Variants in CUX1 observed in about 807,000 individuals in gnomAD.
The protein encoded by CUX1 is protein CASP.
A neutral mutation model predicts 158.8 loss-of-function variants in CUX1; 31 were observed. That is an observed-to-expected ratio of 0.20 (90% CI 0.15 to 0.26). The LOEUF is 0.26. Ranked by LOEUF, CUX1 falls within the 10% of genes least tolerant of loss-of-function variation. The probability of loss-of-function intolerance (pLI) is 1.00; values close to 1 mark genes in which losing one functional copy is unlikely to be tolerated. For missense variants in CUX1, 1,589 were observed against 2,014.6 expected, an observed-to-expected ratio of 0.79 and a Z score of 4.04; for synonymous variants, 879 against 862.1, an observed-to-expected ratio of 1.02 and a Z score of -0.34.
At chr7:101,957,810 T>C (rs145866798) in intron 2 of CUX1, among the ~76,000 whole-genome samples, 115 of 152,310 alleles carry the variant, frequency 7.6e-4, no homozygotes, top group African/African-American at 2.6e-3. Flanking sequence ...GTCTGCAAAA[T>C]AGAGTCTTTT....
chr7:101,893,794 A>G (rs1801173943), intron 1 of CUX1, among the ~76,000 whole-genome samples: 1 of 152,240 alleles, frequency 6.6e-6, no homozygotes, highest in Admixed American at 6.5e-5. Context: ...TCTCATGCAG[A>G]TAATTTCTAT....
chr7:101,984,703 T>C (rs1225910325), intron 2 of CUX1, among the ~76,000 whole-genome samples: 1 of 151,930 alleles, frequency 6.6e-6, no homozygotes. Flanking sequence ...CAGTGAAAAA[T>C]GCTGGAGGTG....
chr7:102,196,569 G>A (rs1000976487), intron 14 of CUX1, 65 bp from the exon 15 acceptor site: 1 of 1,381,666 alleles, frequency 7.2e-7, no homozygotes, highest in African/African-American at 1.4e-5. Context: ...TTTGCATTTT[G>A]GTCTTGGTTT....
At chr7:101,926,500 G>T (rs1012249889) in intron 2 of CUX1, among the ~76,000 whole-genome samples, 10 of 152,224 alleles carry the variant, frequency 6.6e-5, no homozygotes, top group Non-Finnish European at 1.5e-4. Flanking sequence ...AGGTTGCCTG[G>T]GCCCAGGGAC....
chr7:102,267,273 C>T (rs1234708946), intron 14 of CUX1, among the ~76,000 whole-genome samples: 1 of 152,104 alleles, frequency 6.6e-6, no homozygotes, highest in Non-Finnish European at 1.5e-5. Context: ...GTGGCTCATG[C>T]CTGTAATCCC....
At chr7:102,209,702 G>A (rs985929298) in intron 20 of CUX1, among the ~76,000 whole-genome samples, 1 of 152,116 alleles carries the variant, frequency 6.6e-6, no homozygotes, top group Non-Finnish European at 1.5e-5. Flanking sequence ...GGTCCTTGGG[G>A]ACTGATTCTG....
chr7:101,875,977 G>A (rs1799087064), intron 1 of CUX1, among the ~76,000 whole-genome samples: 1 of 152,174 alleles, frequency 6.6e-6, no homozygotes, highest in Non-Finnish European at 1.5e-5. Flanking sequence ...TTGGTCCCAG[G>A]ATGCATTATT....
chr7:102,076,424 T>C (rs1212163726), intron 4 of CUX1, among the ~76,000 whole-genome samples: 1 of 151,908 alleles, frequency 6.6e-6, no homozygotes, highest in African/African-American at 2.4e-5. Context: ...CAAATAAGCA[T>C]TTAGCAATAC....
At chr7:102,180,211 C>T (rs1244267584) in intron 11 of CUX1, among the ~76,000 whole-genome samples, 4 of 151,620 alleles carry the variant, frequency 2.6e-5, no homozygotes, top group South Asian at 2.1e-4. Context: ...TTAGTAGAGG[C>T]GGGGTTTCAC....
intron 2 of CUX1, among the ~76,000 whole-genome samples, chr7:102,006,295 C>T (rs908078150): frequency 2.6e-4 from 40 of 152,272 alleles, no homozygotes; most frequent in Admixed American, 1.5e-3. Flanking sequence ...ACAGGGAAGC[C>T]TCGTCAGGCT....
At chr7:102,234,421 G>A (rs1379348432) in intron 22 of CUX1, among the ~76,000 whole-genome samples, 181 bp downstream of exon 22, 2 of 152,182 alleles carry the variant, frequency 1.3e-5, no homozygotes, top group Non-Finnish European at 2.9e-5. Context: ...CTGGAAAGTT[G>A]TGTAACTTTT....
chr7:102,111,620 G>T, intron 6 of CUX1, 78 bp from the exon 7 acceptor site: 1 of 1,346,834 alleles, frequency 7.4e-7, no homozygotes, highest in South Asian at 1.2e-5. Context: ...GGAGGGAGCT[G>T]AGCTCAGCCG....
intron 2 of CUX1, among the ~76,000 whole-genome samples, chr7:101,993,619 A>C (rs1273112973): frequency 6.6e-6 from 1 of 152,154 alleles, no homozygotes; most frequent in African/African-American, 2.4e-5. Context: ...CTTCCTCTAC[A>C]CATGTATGGC....
rs1335127143 is a variant in CUX1, at chr7:102,198,781, A to C, written c.1895-21A>C. On this transcript the variant is annotated intron_variant, in intron 15 of 23. Coordinates refer to ENST00000292535, the MANE Select transcript of CUX1 (RefSeq NM_181552.4). ...CCATTCCCCTGATTGTTTTGTTCTT[A>C]CCACACTTGTTTTTCAACAGAGAAT... The C allele has an allele frequency of 3.1e-6, 5 of 1,610,526 alleles. No individual in the cohort carries two copies. In the Admixed American group the frequency reaches 8.3e-5, roughly 27 times the overall value.
intron 1 of CUX1, among the ~76,000 whole-genome samples, chr7:101,892,884 C>T (rs907473066): frequency 6.6e-6 from 1 of 152,168 alleles, no homozygotes; most frequent in East Asian, 1.9e-4. Context: ...ATAGGGAAAA[C>T]GTTTCCAGAA....
intron 2 of CUX1, among the ~76,000 whole-genome samples, chr7:101,950,050 C>T (rs1249973420): frequency 6.6e-6 from 1 of 152,178 alleles, no homozygotes; most frequent in East Asian, 1.9e-4. Flanking sequence ...CCCTGTCGAT[C>T]AGGCTGGAGT....
At chr7:102,065,239 CCTGT>C (rs576800611) in intron 3 of CUX1, among the ~76,000 whole-genome samples, 12 of 152,098 alleles carry the variant, frequency 7.9e-5, no homozygotes, top group African/African-American at 2.4e-4. Context: ...TACCACCGTG[CCTGT>C]CTAATTTGTA....
intron 1 of CUX1, among the ~76,000 whole-genome samples, chr7:101,838,731 AG>A (rs1202328055): frequency 1.3e-5 from 2 of 151,854 alleles, no homozygotes; most frequent in Non-Finnish European, 2.9e-5. Flanking sequence ...TGAACCTGGG[AG>A]GTAGAGGTTG....
In CUX1 at chr7:102,257,004, C is replaced by T. The variant is rs1184207345; in HGVS notation, c.*7962C>T. ...GGGCCCCTTTCCCCTATAGGTGGTT[C>T]AACGTGGAGGAAGGTTGGGTGTGGA... On this transcript the variant is annotated 3_prime_UTR_variant, in exon 24 of 24. Coordinates refer to ENST00000292535, the MANE Select transcript of CUX1 (RefSeq NM_181552.4). 1.0e-6 allele frequency: 1 copy of T among 985,268 alleles called. No individual in the cohort carries two copies. The highest frequency in any genetic ancestry group is 6.2e-5 in the Admixed American group (1 of 16,246). The allele number at this position is 985,268 out of a possible 1,614,324, so 61.0% of individuals were successfully genotyped here.
Sources: allele counts gnomAD v4.1 joint callset (sites outside exome capture counted in the v4.1 genomes callset), GRCh38; gene constraint gnomAD v4.1.1; transcripts MANE v1.5; gene names NCBI Gene and HGNC (gene_info 2026-07-23, HGNC 2026-07-21).